SETD1B: variants seen among roughly 807,000 people sequenced by gnomAD.
SETD1B encodes the protein histone-lysine N-methyltransferase SETD1B.
Under a neutral mutation model 148.0 loss-of-function variants are expected in SETD1B, and 7 were observed. The observed-to-expected ratio is 0.05, with a 90% confidence interval of 0.03 to 0.09. The LOEUF (loss-of-function observed/expected upper bound fraction) is 0.09, where lower values mean the gene tolerates loss of function less well. SETD1B is among the 10% of genes least tolerant of loss of function. The probability of loss-of-function intolerance (pLI) is 1.00; values close to 1 mark genes in which losing one functional copy is unlikely to be tolerated. For missense variants in SETD1B, 2,155 were observed against 2,729.9 expected (o/e 0.79, Z 4.69); for synonymous variants, 1,361 against 1,186.5 (o/e 1.15, Z -3.02).
chr12:121,797,815 G>C, the SETD1B span: 4 of 349,964 alleles, frequency 1.1e-5, no homozygotes, highest in South Asian at 8.4e-5. Flanking sequence ...AGGTTTCAGG[G>C]AGTATAGAAG....
At chr12:121,806,899 A>C (rs1489782532) in intron 4 of SETD1B, among the ~76,000 whole-genome samples, 1 of 152,154 alleles carries the variant, frequency 6.6e-6, no homozygotes, top group Non-Finnish European at 1.5e-5. Flanking sequence ...AGTGTGCCTG[A>C]GGCCTCTTTA....
the SETD1B span, chr12:121,793,724 C>T: frequency 8.2e-7 from 1 of 1,222,792 alleles, no homozygotes; most frequent in Non-Finnish European, 1.1e-6. Flanking sequence ...CAGCCCCGCC[C>T]ACTCGGAGCA....
At chr12:121,828,172 C>G in intron 16 of SETD1B, 102 bp downstream of exon 16, 1 of 1,456,120 alleles carries the variant, frequency 6.9e-7, no homozygotes, top group Non-Finnish European at 9.2e-7. Flanking sequence ...TCAGCTCGGC[C>G]TCCTTCCCAA....
chr12:121,820,040 C>T (rs1255168909), intron 11 of SETD1B, 145 bp downstream of exon 11: 1 of 710,714 alleles, frequency 1.4e-6, no homozygotes, highest in Non-Finnish European at 2.3e-6. Flanking sequence ...GGTTGTGCCT[C>T]CCTCGAGCGA....
chr12:121,825,250 G>A lies in SETD1B; in HGVS notation c.5221G>A (p.Glu1741Lys), dbSNP rs1876784846. Residue 1741 changes from glutamate (E) to lysine (K), a missense_variant, in exon 13 of 17, where the codon GAG becomes AAG. Physicochemically the swap from Glu to Lys is moderately conservative, Grantham distance 56. This residue lies in a region of SETD1B where 96 missense variants were observed against 148.7 expected (regional missense o/e 0.65). Transcript: ENST00000604567. ...GAAGAAACGGGACGATGGCATCCGC[G>A]AGCACGTGACGGGCTGTGCCCGCAG... ...KKKKRDDGIREHVTGCARSEG... is the reference protein window; with the variant it reads ...KKKKRDDGIRKHVTGCARSEG... 1.3e-6 allele frequency: 2 copies of A among 1,551,614 alleles called. No homozygotes were observed. The highest frequency in any genetic ancestry group is 2.4e-5 in the East Asian group (1 of 40,930).
the SETD1B span, chr12:121,793,218 C>T: frequency 1.9e-6 from 3 of 1,550,974 alleles, no homozygotes; most frequent in Non-Finnish European, 2.6e-6. Context: ...GTGTACTTCT[C>T]GAACACCGAT....
Position 121,822,991 on chromosome 12 carries a change from GCCTGCCCCTCCC to G in SETD1B, c.4413_4424del (p.Pro1481_Leu1484del). 2 of 1,532,546 alleles carry G rather than the reference GCCTGCCCCTCCC, an allele frequency of 1.3e-6. No individual in the cohort carries two copies. The highest frequency in any genetic ancestry group is 1.8e-6 in the Non-Finnish European group (2 of 1,141,058). 94.9% of individuals were successfully genotyped at this position (1,532,546 alleles called of 1,614,324 possible). On this transcript the variant is annotated inframe_deletion, in exon 12 of 17. Coordinates refer to ENST00000604567, the MANE Select transcript of SETD1B (RefSeq NM_001353345.2). The stretch of plus-strand genomic sequence containing the variant: ...GCCTCCCCGGTGCTCCTGGAGACGG[GCCTGCCCCTCCC>G]TCTGCCCCTTCCCCTGCCCTTGCCC...
At position 121,814,341 on chromosome 12, in the gene SETD1B, TGCCCCCACCGCC is replaced by T. The variant is rs1338103571; in HGVS notation, c.2136_2147del (p.Pro715_Pro718del). ...CCTGGCTTCCCCATGCCCCCACCGC[TGCCCCCACCGCC>T]GCCCCCACCCCCTCCAGCCCACCCT... On this transcript the variant is annotated inframe_deletion, in exon 7 of 17. Coordinates refer to ENST00000604567, the MANE Select transcript of SETD1B (RefSeq NM_001353345.2). 27 of 395,094 alleles carry T rather than the reference TGCCCCCACCGCC, an allele frequency of 6.8e-5. No homozygotes were observed. Among genetic ancestry groups the T allele is most frequent in the Non-Finnish European group, 9.6e-5 (24 of 249,164 alleles). 24.5% of individuals were successfully genotyped at this position (395,094 alleles called of 1,614,324 possible). A position where few individuals can be genotyped will look rare whatever the true frequency, so the allele number is the denominator to read the frequency against.
rs1177277663 is a variant in SETD1B, at chr12:121,814,637, G to A, written c.2422G>A (p.Gly808Arg). 1 of 1,547,224 alleles carries A rather than the reference G, an allele frequency of 6.5e-7. No homozygotes were observed. Among genetic ancestry groups the A allele is most frequent in the South Asian group, 1.2e-5 (1 of 83,980 alleles). ...CGCTGCGGCCGCCGCTGCCTCAGCTGGGCTCCAGTTTGTCAACCTGCCGCC... is the reference window on the plus strand; with the variant it reads ...CGCTGCGGCCGCCGCTGCCTCAGCTAGGCTCCAGTTTGTCAACCTGCCGCC... ...MAAAAAAASA[G>R]LQFVNLPPYR... Residue 808 changes from glycine to arginine, a missense_variant, in exon 7 of 17, where the codon GGG (glycine) becomes AGG (arginine). By Grantham distance (125) the Gly-to-Arg change is moderately radical. Transcript: ENST00000604567.
chr12:121,810,810 C>T lies in SETD1B; in HGVS notation c.1865C>T (p.Thr622Ile). ...EVALDLVGDR[T>I]PTSEKMDEGQ... ...GCCTTGGACCTGGTTGGAGACAGAA[C>T]CCCGACCTCAGAGAAGATGGATGAG... The change falls in exon 6 of 17, where the codon ACC becomes ATC. Residue 622 changes from threonine to isoleucine, a missense_variant. By Grantham distance (89) the Thr-to-Ile change is moderately conservative. Coordinates refer to ENST00000604567, the MANE Select transcript of SETD1B (RefSeq NM_001353345.2). This position sits in a 1 kb window ranked among gnomAD's most constrained non-coding sequence, Gnocchi z 7.6. 2.6e-6 allele frequency: 4 copies of T among 1,520,068 alleles called. No individual in the cohort carries two copies. Among genetic ancestry groups the T allele is most frequent in the Non-Finnish European group, 1.8e-6 (2 of 1,127,686 alleles). The allele number at this position is 1,520,068 out of a possible 1,614,324, so 94.2% of individuals were successfully genotyped here. A position where few individuals can be genotyped will look rare whatever the true frequency, so the allele number is the denominator to read the frequency against.
In SETD1B at chr12:121,805,325, G is replaced by GC; in HGVS notation, c.273+111dup. On this transcript the variant is annotated intron_variant, in intron 3 of 16. Coordinates refer to ENST00000604567, the MANE Select transcript of SETD1B (RefSeq NM_001353345.2). This position sits in a 1 kb window ranked among gnomAD's most constrained non-coding sequence, Gnocchi z 4.2. ...GGATTCCCAGTTCCCGCCGTCCGGG[G>GC]CCAGGGAAGTTTTGGCGGGGAGGGG... 1 of 976,752 alleles carries GC rather than the reference G, an allele frequency of 1.0e-6. No homozygotes were observed. The highest frequency in any genetic ancestry group is 1.5e-5 in the South Asian group (1 of 65,450). 60.5% of individuals were successfully genotyped at this position (976,752 alleles called of 1,614,324 possible).
At chr12:121,818,408 C>T (rs1179470982) in intron 10 of SETD1B, among the ~76,000 whole-genome samples, 1 of 151,300 alleles carries the variant, frequency 6.6e-6, no homozygotes, top group African/African-American at 2.4e-5. Flanking sequence ...ACTAAAAATG[C>T]AAAAAATAGC....
At position 121,822,442 on chromosome 12, in the gene SETD1B, C is replaced by T. The variant is rs570009974; in HGVS notation, c.3911-48C>T. The T allele has an allele frequency of 3.5e-5, 52 of 1,486,330 alleles. 1 individual carries two copies. The African/African-American group carries it at 4.3e-4, about 12-fold the overall frequency. 92.1% of individuals were successfully genotyped at this position (1,486,330 alleles called of 1,614,324 possible). Reference sequence around the variant, plus strand: ...GAGCACAAAATAAGGCACTGAGAGACGTTTGGATTGAATAGTAAATGTCTC... The same window carrying T: ...GAGCACAAAATAAGGCACTGAGAGATGTTTGGATTGAATAGTAAATGTCTC... On this transcript the variant is annotated intron_variant, in intron 11 of 16. Coordinates refer to ENST00000604567, the MANE Select transcript of SETD1B (RefSeq NM_001353345.2).
At chr12:121,796,428 C>G in the SETD1B span, among the ~76,000 whole-genome samples, 2 of 152,354 alleles carry the variant, frequency 1.3e-5, no homozygotes, top group East Asian at 3.9e-4. Context: ...TGCAGGGGCC[C>G]AGCCACTGCT....
upstream of SETD1B, chr12:121,801,212 C>G (rs566676182): frequency 9.7e-4 from 148 of 152,370 alleles, 1 homozygote; most frequent in Middle Eastern, 3.4e-3. Context: ...GGAAAGTGGG[C>G]CCAAGGCTGG....
intron 16 of SETD1B, 83 bp downstream of exon 16, chr12:121,828,153 G>T (rs1249647572): frequency 1.3e-6 from 2 of 1,507,160 alleles, no homozygotes; most frequent in East Asian, 4.9e-5. Context: ...GGAAGCCCCG[G>T]CACGGGAATC....
In SETD1B at chr12:121,822,934, C is replaced by G; in HGVS notation, c.4355C>G (p.Thr1452Ser). 6.5e-7 allele frequency: 1 copy of G among 1,533,058 alleles called. No homozygotes were observed. Among genetic ancestry groups the G allele is most frequent in the Non-Finnish European group, 8.8e-7 (1 of 1,137,404 alleles). 95.0% of individuals were successfully genotyped at this position (1,533,058 alleles called of 1,614,324 possible). Residue 1452 changes from threonine (T) to serine (S), a missense_variant, in exon 12 of 17, where the codon ACT becomes AGT. Thr to Ser is a moderately conservative substitution (Grantham distance 58). Around this residue, in one of 11 missense-constraint regions of SETD1B, gnomAD observed 862 missense variants for 873.8 expected, o/e 0.99. Transcript: ENST00000604567. Reference sequence around the variant, plus strand: ...CTCCTGCCCGTCTGCCCACTCCCCACTGGCCGACGCGATGAACGCTCCGGG... The same window carrying G: ...CTCCTGCCCGTCTGCCCACTCCCCAGTGGCCGACGCGATGAACGCTCCGGG... ...PLLLPVCPLP[T>S]GRRDERSGPL...
At chr12:121,815,449 G>C (rs972620233) in intron 7 of SETD1B, among the ~76,000 whole-genome samples, 1 of 149,990 alleles carries the variant, frequency 6.7e-6, no homozygotes, top group Non-Finnish European at 1.5e-5. Context: ...CTTTGAACTT[G>C]ACTCCCCTCA....
intron 16 of SETD1B, among the ~76,000 whole-genome samples, chr12:121,829,059 GA>G (rs1222759404): frequency 6.6e-6 from 1 of 151,502 alleles, no homozygotes. Flanking sequence ...ACCTGTTTGA[GA>G]GATAGCAAGG....
Sources: allele counts gnomAD v4.1 joint callset (sites outside exome capture counted in the v4.1 genomes callset), GRCh38; gene constraint gnomAD v4.1.1; regional missense constraint gnomAD v4.1.1; non-coding constraint Gnocchi (gnomAD v3.1); transcripts MANE v1.5; gene names NCBI Gene and HGNC (gene_info 2026-07-23, HGNC 2026-07-21).